Variants in TRRAP observed in about 807,000 individuals in gnomAD.
The protein encoded by TRRAP is transformation/transcription domain associated protein.
Under a neutral mutation model 438.8 loss-of-function variants are expected in TRRAP, and 41 were observed. The ratio of observed to expected loss-of-function variants is 0.09; its 90% confidence interval spans 0.07 to 0.12. The LOEUF is 0.12. Ranked by LOEUF, TRRAP falls within the 10% of genes least tolerant of loss-of-function variation. The probability of loss-of-function intolerance (pLI) is 1.00; values close to 1 mark genes in which losing one functional copy is unlikely to be tolerated. For missense variants in TRRAP, 3,122 were observed against 5,055.1 expected, an observed-to-expected ratio of 0.62 and a Z score of 11.60; for synonymous variants, 1,994 against 1,962.9, an observed-to-expected ratio of 1.02 and a Z score of -0.42.
chr7:98,911,539 G>T (rs924727567), intron 17 of TRRAP, among the ~76,000 whole-genome samples: 1 of 152,168 alleles, frequency 6.6e-6, no homozygotes, highest in Non-Finnish European at 1.5e-5. Flanking sequence ...TTAGGAGGCC[G>T]GGGATTGCTT....
chr7:98,898,392 G>T (rs781933184), intron 8 of TRRAP, among the ~76,000 whole-genome samples: 15 of 152,188 alleles, frequency 9.9e-5, no homozygotes, highest in Non-Finnish European at 2.1e-4. Context: ...GTAATGTATC[G>T]TATATTTGTG....
At chr7:98,936,592 CTG>C (rs1317890651) in intron 28 of TRRAP, among the ~76,000 whole-genome samples, 2 of 152,154 alleles carry the variant, frequency 1.3e-5, no homozygotes, top group Non-Finnish European at 2.9e-5. Context: ...AAAGGCTGGG[CTG>C]TGTGTGTCTG....
chr7:98,933,073 A>G (rs1447414531), intron 26 of TRRAP, among the ~76,000 whole-genome samples, 168 bp from the exon 27 acceptor site: 1 of 151,516 alleles, frequency 6.6e-6, no homozygotes, highest in Non-Finnish European at 1.5e-5. Flanking sequence ...CTAACATCTT[A>G]CATGCCTCTC....
chr7:99,006,248 C>T (rs180854402), intron 69 of TRRAP, among the ~76,000 whole-genome samples: 78 of 152,304 alleles, frequency 5.1e-4, no homozygotes, highest in African/African-American at 1.8e-3. Flanking sequence ...GTCGGGAGCC[C>T]GCTGCAATGT....
intron 47 of TRRAP, among the ~76,000 whole-genome samples, chr7:98,962,954 G>A (rs1791982003): frequency 6.6e-6 from 1 of 152,206 alleles, no homozygotes; most frequent in Admixed American, 6.5e-5. Context: ...GCAGACACAT[G>A]TCTTTGATCC....
intron 21 of TRRAP, among the ~76,000 whole-genome samples, chr7:98,922,368 GCTCC>G (rs1215454767): frequency 2.1e-4 from 32 of 152,292 alleles, no homozygotes; most frequent in African/African-American, 7.5e-4. Flanking sequence ...ACTGCCAACA[GCTCC>G]TGGGTCTCTG....
chr7:98,956,856 T>A lies in TRRAP; in HGVS notation c.6231+323T>A, dbSNP rs1791642302. Among the ~76,000 whole-genome samples the A allele has an allele frequency of 1.3e-5, 2 of 152,230 alleles. No homozygotes were observed. The highest frequency in any genetic ancestry group is 4.1e-4 in the South Asian group (2 of 4,824). Reference sequence around the variant, plus strand: ...ATGTGCCCATACTGAGATCAGTTTCTGAGAAGGACATGTGTTCTGTTTCAC... The same window carrying A: ...ATGTGCCCATACTGAGATCAGTTTCAGAGAAGGACATGTGTTCTGTTTCAC... On this transcript the variant is annotated intron_variant, in intron 43 of 72. Coordinates refer to ENST00000456197, the MANE Select transcript of TRRAP (RefSeq NM_001375524.1). This position sits in a 1 kb window ranked among gnomAD's most constrained non-coding sequence, Gnocchi z 4.5.
At chr7:98,991,428 G>A (rs2116800411) in intron 64 of TRRAP, among the ~76,000 whole-genome samples, 1 of 152,330 alleles carries the variant, frequency 6.6e-6, no homozygotes, top group South Asian at 2.1e-4. Context: ...TTTTCCTTGA[G>A]GAGGCAGCTG....
intron 25 of TRRAP, 47 bp downstream of exon 25, chr7:98,930,877 G>A: frequency 6.2e-7 from 1 of 1,609,618 alleles, no homozygotes; most frequent in South Asian, 1.1e-5. Flanking sequence ...TTTTGAAATG[G>A]TGGTTTCCTG....
intron 11 of TRRAP, 108 bp downstream of exon 11, chr7:98,900,828 T>C: frequency 1.2e-6 from 1 of 828,592 alleles, no homozygotes; most frequent in Non-Finnish European, 1.9e-6. Context: ...TGGTAATCAT[T>C]ACTAACACAT....
chr7:98,885,618 A>G (rs1326874245), intron 3 of TRRAP, among the ~76,000 whole-genome samples: 1 of 152,094 alleles, frequency 6.6e-6, no homozygotes, highest in African/African-American at 2.4e-5. Context: ...TTAGAGATCT[A>G]GCTAAAGAGC....
intron 49 of TRRAP, among the ~76,000 whole-genome samples, chr7:98,966,392 G>A (rs920168195): frequency 6.6e-6 from 1 of 151,890 alleles, no homozygotes; most frequent in Non-Finnish European, 1.5e-5. Flanking sequence ...ATGTGGCTTT[G>A]CTCCTCTTAA....
chr7:98,956,118 C>T lies in TRRAP; in HGVS notation c.5938-28C>T, dbSNP rs782181283. 1 of 1,601,232 alleles carries T rather than the reference C, an allele frequency of 6.2e-7. No homozygotes were observed. Among genetic ancestry groups the T allele is most frequent in the South Asian group, 1.1e-5 (1 of 90,540 alleles). Reference sequence around the variant, plus strand: ...ACTGTGGGACCAAGCTCCCATGTTCCGGCGTGATGCTGGCCCTGCGTCCGC... The same window carrying T: ...ACTGTGGGACCAAGCTCCCATGTTCTGGCGTGATGCTGGCCCTGCGTCCGC... On this transcript the variant is annotated intron_variant, in intron 41 of 72. Transcript: ENST00000456197. This position sits in a 1 kb window ranked among gnomAD's most constrained non-coding sequence, Gnocchi z 4.5.
At chr7:98,992,286 C>G in intron 65 of TRRAP, 59 bp downstream of exon 65, 1 of 1,578,968 alleles carries the variant, frequency 6.3e-7, no homozygotes, top group South Asian at 1.1e-5. Flanking sequence ...AGGGGGTGCC[C>G]CACATCCAGA....
At chr7:98,993,452 C>T in intron 65 of TRRAP, 86 bp from the exon 66 acceptor site, 2 of 1,427,228 alleles carry the variant, frequency 1.4e-6, no homozygotes, top group Non-Finnish European at 1.9e-6. Flanking sequence ...AACCAGCGCT[C>T]CTTTGGCCCA....
chr7:98,886,431 GAGATATAGATATCTAGAT>G (rs1374264769), intron 3 of TRRAP, among the ~76,000 whole-genome samples: 3 of 151,654 alleles, frequency 2.0e-5, no homozygotes, highest in Admixed American at 6.6e-5. Flanking sequence ...GATATCTAGA[GAGATATAGATATCTAGAT>G]AGATATAGAT....
At chr7:99,001,991 C>A (rs1001302957) in intron 67 of TRRAP, among the ~76,000 whole-genome samples, 3 of 152,128 alleles carry the variant, frequency 2.0e-5, no homozygotes, top group African/African-American at 7.2e-5. Context: ...CGTGGGTGAA[C>A]CTCCAGGAAA....
At chr7:99,003,104 C>G (rs571118604) in intron 67 of TRRAP, among the ~76,000 whole-genome samples, 4 of 152,302 alleles carry the variant, frequency 2.6e-5, no homozygotes, top group African/African-American at 7.2e-5. Flanking sequence ...GTGGCTCCCC[C>G]AGGGCCCCTG....
intron 3 of TRRAP, among the ~76,000 whole-genome samples, chr7:98,889,068 A>C (rs1174076512): frequency 3.1e-5 from 2 of 63,864 alleles, no homozygotes; most frequent in African/African-American, 1.2e-4. Context: ...TTTTTTTTTG[A>C]TATGAGGTCT....
Sources: gnomAD v4.1 joint callset for allele counts (sites outside exome capture counted in the v4.1 genomes callset) on GRCh38, gnomAD v4.1.1 for gene constraint, Gnocchi (gnomAD v3.1) non-coding constraint, MANE v1.5 for transcripts, NCBI Gene and HGNC (gene_info 2026-07-23, HGNC 2026-07-21) for gene names.